The following TYW1B variants were observed in gnomAD, a reference collection of about 807,000 sequenced individuals.
The protein encoded by TYW1B is S-adenosyl-L-methionine-dependent tRNA 4-demethylwyosine synthase TYW1B.
TYW1B carries 73 observed loss-of-function variants against 86.9 expected under a neutral mutation model. That is an observed-to-expected ratio of 0.84 (90% confidence interval 0.70 to 1.02). The LOEUF (loss-of-function observed/expected upper bound fraction) is 1.02. Among genes scored for constraint, TYW1B ranks in the 50% least tolerant of loss-of-function variants. TYW1B has a pLI of 0.00. For missense variants in TYW1B, 637 were observed against 827.4 expected, an observed-to-expected ratio of 0.77 and a Z score of 2.82; for synonymous variants, 248 against 292.8, an observed-to-expected ratio of 0.85 and a Z score of 1.56.
At chr7:72,827,153 A>C (rs1788948045) in intron 1 of TYW1B, among the ~76,000 whole-genome samples, 168 bp from the exon 2 acceptor site, 2 of 152,250 alleles carry the variant, frequency 1.3e-5, no homozygotes, top group Non-Finnish European at 1.5e-5. Flanking sequence ...CATGCCTGTA[A>C]TCCCAGCACT....
intron 11 of TYW1B, among the ~76,000 whole-genome samples, chr7:72,686,394 T>C (rs781901309): frequency 9.9e-5 from 15 of 152,202 alleles, no homozygotes; most frequent in Non-Finnish European, 2.1e-4. Context: ...GAACTATCCA[T>C]GTGAAAACAC....
At chr7:72,607,412 AAAG>A (rs1178913327) in intron 13 of TYW1B, among the ~76,000 whole-genome samples, 20 of 150,536 alleles carry the variant, frequency 1.3e-4, no homozygotes, top group Non-Finnish European at 2.4e-4. Flanking sequence ...AAAAAAAAGA[AAAG>A]AAGAAGAAAG....
chr7:72,741,685 G>C (rs1442863914), intron 8 of TYW1B, among the ~76,000 whole-genome samples: 1 of 152,192 alleles, frequency 6.6e-6, no homozygotes, highest in Non-Finnish European at 1.5e-5. Context: ...ACCAAGATAT[G>C]TTATAATCAA....
intron 11 of TYW1B, among the ~76,000 whole-genome samples, chr7:72,653,523 C>A (rs1262710176): frequency 6.6e-6 from 1 of 151,902 alleles, no homozygotes; most frequent in African/African-American, 2.4e-5. Flanking sequence ...AGGAGAATGG[C>A]GTGAACCTGG....
chr7:72,751,285 G>A (rs560806335), intron 7 of TYW1B, among the ~76,000 whole-genome samples: 3 of 152,096 alleles, frequency 2.0e-5, no homozygotes, highest in East Asian at 1.9e-4. Context: ...TGATCCACCC[G>A]CCTCGGCCTC....
chr7:72,665,300 C>A (rs1416272295), intron 11 of TYW1B, among the ~76,000 whole-genome samples: 2 of 152,184 alleles, frequency 1.3e-5, no homozygotes, highest in East Asian at 1.9e-4. Context: ...CCATTATGAA[C>A]CATGAAGTAA....
At chr7:72,619,824 T>C (rs1256178998) in intron 12 of TYW1B, among the ~76,000 whole-genome samples, 6 of 152,180 alleles carry the variant, frequency 3.9e-5, no homozygotes, top group African/African-American at 1.4e-4. Flanking sequence ...ATGTATGCAG[T>C]AGCTACTTCA....
At chr7:72,580,062 C>A (rs543759944) in intron 13 of TYW1B, among the ~76,000 whole-genome samples, 1 of 152,272 alleles carries the variant, frequency 6.6e-6, no homozygotes, top group South Asian at 2.1e-4. Context: ...TATAGCCACA[C>A]TGGGAATTAG....
chr7:72,818,149 C>T (rs1365278951), intron 2 of TYW1B, among the ~76,000 whole-genome samples: 1 of 151,764 alleles, frequency 6.6e-6, no homozygotes, highest in African/African-American at 2.4e-5. Flanking sequence ...ACCTATTCCT[C>T]CATGGGTGGA....
intron 11 of TYW1B, among the ~76,000 whole-genome samples, chr7:72,632,425 A>AAT (rs1368056863): frequency 3.2e-5 from 3 of 92,490 alleles, no homozygotes; most frequent in African/African-American, 1.2e-4. Flanking sequence ...ATATATATAA[A>AAT]ATATATATAT....
intron 7 of TYW1B, among the ~76,000 whole-genome samples, chr7:72,750,252 C>T (rs539975613): frequency 2.6e-5 from 4 of 152,260 alleles, no homozygotes; most frequent in South Asian, 2.1e-4. Flanking sequence ...GGCATGTCTG[C>T]TAGCAACAAA....
At chr7:72,608,859 G>C (rs1256578053) in intron 13 of TYW1B, among the ~76,000 whole-genome samples, 1 of 152,192 alleles carries the variant, frequency 6.6e-6, no homozygotes, top group Non-Finnish European at 1.5e-5. Flanking sequence ...CAAAGGAATA[G>C]CATGAGAAAG....
rs1160423059 is a variant in TYW1B, at chr7:72,645,327, C to T, written c.1507-16330G>A. Reference sequence around the variant, plus strand: ...TAAGAAAAAGACAATGCAAAAGAAACATTGACCAAAGCCTTGAATGTTCTT... The same window carrying T: ...TAAGAAAAAGACAATGCAAAAGAAATATTGACCAAAGCCTTGAATGTTCTT... On this transcript the variant is annotated intron_variant, in intron 11 of 13. Coordinates refer to ENST00000620995, the MANE Select transcript of TYW1B (RefSeq NM_001145440.3). Among the ~76,000 whole-genome samples the T allele has an allele frequency of 2.6e-5, 4 of 152,130 alleles. No homozygotes were observed. The East Asian group carries it at 7.7e-4, about 29-fold the overall frequency.
chr7:72,659,777 C>T (rs1217321223), intron 11 of TYW1B, among the ~76,000 whole-genome samples: 1 of 152,122 alleles, frequency 6.6e-6, no homozygotes, highest in Non-Finnish European at 1.5e-5. Context: ...GCAAAATCTT[C>T]TAAAACCCCC....
chr7:72,713,686 C>G lies in TYW1B; in HGVS notation c.1305G>C (p.Lys435Asn). ...IMYPEINRFL[K>N]LLHQCKISSF... ...TGGAGATTTTACACTGGTGGAGTAG[C>G]TTCAAAAACCTGTTGATCTCTGGGT... Residue 435 changes from lysine (K) to asparagine (N), a missense_variant, in exon 10 of 14, where the codon AAG (lysine) becomes AAC (asparagine). Lys to Asn is a moderately conservative substitution (Grantham distance 94, BLOSUM62 0). Coordinates refer to ENST00000620995, the MANE Select transcript of TYW1B (RefSeq NM_001145440.3). The G allele has an allele frequency of 6.2e-7, 1 of 1,613,952 alleles. No homozygotes were observed. Among genetic ancestry groups the G allele is most frequent in the Non-Finnish European group, 8.5e-7 (1 of 1,179,994 alleles).
chr7:72,648,300 T>TG (rs1563044796), intron 11 of TYW1B, among the ~76,000 whole-genome samples: 1 of 152,010 alleles, frequency 6.6e-6, no homozygotes, highest in Non-Finnish European at 1.5e-5. Flanking sequence ...CCCAGCACTT[T>TG]GGGGGACTAA....
chr7:72,813,662 T>A (rs781908575), intron 3 of TYW1B, among the ~76,000 whole-genome samples: 1 of 152,030 alleles, frequency 6.6e-6, no homozygotes, highest in South Asian at 2.1e-4. Flanking sequence ...TAACTGGGCA[T>A]GACTGGAGAA....
chr7:72,817,423 A>C (rs1319374533), intron 2 of TYW1B, among the ~76,000 whole-genome samples: 1 of 152,100 alleles, frequency 6.6e-6, no homozygotes, highest in Non-Finnish European at 1.5e-5. Flanking sequence ...AAAAGAAAAA[A>C]GGTATTTGGG....
intron 6 of TYW1B, among the ~76,000 whole-genome samples, chr7:72,780,958 T>G (rs1214038430): frequency 6.6e-6 from 1 of 151,914 alleles, no homozygotes; most frequent in African/African-American, 2.4e-5. Flanking sequence ...GTGTATTTAT[T>G]CATTTATAGC....
Sources: allele counts gnomAD v4.1 joint callset (sites outside exome capture counted in the v4.1 genomes callset), GRCh38; gene constraint gnomAD v4.1.1; transcripts MANE v1.5; gene names NCBI Gene and HGNC (gene_info 2026-07-23, HGNC 2026-07-21).